Variants in PCLO observed in about 807,000 individuals in gnomAD.
The protein encoded by PCLO is piccolo presynaptic cytomatrix protein.
Under a neutral mutation model 427.5 loss-of-function variants are expected in PCLO, and 82 were observed. The ratio of observed to expected loss-of-function variants is 0.19; its 90% CI spans 0.16 to 0.23. The LOEUF is 0.23. Ranked by LOEUF, PCLO falls within the 10% of genes least tolerant of loss-of-function variation. PCLO has a pLI of 1.00. For synonymous variants in PCLO, 2,357 were observed against 2,155.4 expected (o/e 1.09, Z -2.59); for missense variants, 6,239 against 6,115.9 (o/e 1.02, Z -0.67).
chr7:82,829,437 T>C (rs879833027), intron 16 of PCLO, among the ~76,000 whole-genome samples: 1 of 152,120 alleles, frequency 6.6e-6, no homozygotes, highest in African/African-American at 2.4e-5. Flanking sequence ...AAGCACCGAG[T>C]TGGTGTTTCA....
intron 6 of PCLO, among the ~76,000 whole-genome samples, chr7:82,932,067 T>C (rs890356642): frequency 6.6e-6 from 1 of 152,124 alleles, no homozygotes; most frequent in African/African-American, 2.4e-5. Context: ...AGTATATTTA[T>C]TCACTGTCAT....
chr7:82,948,463 T>C (rs1795254437), intron 6 of PCLO, among the ~76,000 whole-genome samples: 1 of 152,170 alleles, frequency 6.6e-6, no homozygotes, highest in Non-Finnish European at 1.5e-5. Flanking sequence ...TATGGGTCAA[T>C]GGAAATGTAA....
chr7:82,926,085 T>C (rs536423085), intron 6 of PCLO, among the ~76,000 whole-genome samples: 4 of 152,220 alleles, frequency 2.6e-5, no homozygotes, highest in Admixed American at 2.6e-4. Context: ...AAATTCTAAA[T>C]GATACCATTC....
chr7:83,055,435 T>C (rs1789355360), intron 3 of PCLO, among the ~76,000 whole-genome samples: 1 of 152,180 alleles, frequency 6.6e-6, no homozygotes, highest in African/African-American at 2.4e-5. Context: ...ATGAAGACTC[T>C]ATTTTAACCT....
chr7:82,980,576 A>C (rs1796124396), intron 3 of PCLO, among the ~76,000 whole-genome samples: 1 of 152,230 alleles, frequency 6.6e-6, no homozygotes, highest in Non-Finnish European at 1.5e-5. Context: ...GCTGAAAAAT[A>C]GAATTTAAAA....
chr7:82,779,799 G>A (rs908130792), intron 22 of PCLO, among the ~76,000 whole-genome samples: 1 of 143,230 alleles, frequency 7.0e-6, no homozygotes, highest in African/African-American at 2.6e-5. Flanking sequence ...GGAGTGCAAT[G>A]GCTGTAATTT....
Position 82,951,709 on chromosome 7 carries a change from C to T in PCLO, c.9097+147G>A. 4.8e-6 allele frequency: 6 copies of T among 1,252,590 alleles called. No homozygotes were observed. In the South Asian group the frequency reaches 9.6e-5, roughly 20 times the overall value. 77.6% of individuals were successfully genotyped at this position (1,252,590 alleles called of 1,614,324 possible). A position where few individuals can be genotyped will look rare whatever the true frequency, so the allele number is the denominator to read the frequency against. On this transcript the variant is annotated intron_variant, in intron 5 of 24. Transcript: ENST00000333891. ...TTTAAAATGAAGGAACAAAAGCGCA[C>T]TTGTACTCCAAAATATGCTGCTATA...
chr7:83,100,110 A>G (rs1790699712), intron 3 of PCLO, among the ~76,000 whole-genome samples: 1 of 152,202 alleles, frequency 6.6e-6, no homozygotes, highest in South Asian at 2.1e-4. Context: ...CTGTGTCAAC[A>G]ATGTTGCTCA....
intron 19 of PCLO, among the ~76,000 whole-genome samples, chr7:82,823,628 A>C (rs1791854104): frequency 6.6e-6 from 1 of 152,158 alleles, no homozygotes; most frequent in African/African-American, 2.4e-5. Flanking sequence ...GCATATTGCC[A>C]AACCCAATGT....
intron 3 of PCLO, among the ~76,000 whole-genome samples, chr7:83,100,504 G>A (rs1790710641): frequency 6.6e-6 from 1 of 152,136 alleles, no homozygotes; most frequent in Non-Finnish European, 1.5e-5. Context: ...GTCCTTTGCT[G>A]GGATATGGGT....
intron 3 of PCLO, among the ~76,000 whole-genome samples, chr7:83,126,000 G>A (rs1022547930): frequency 2.6e-5 from 4 of 152,148 alleles, no homozygotes; most frequent in Admixed American, 2.6e-4. Context: ...CAGATGAATG[G>A]ATAAAGAAAA....
At position 83,051,049 on chromosome 7, in the gene PCLO, A is replaced by G. The variant is rs577470540; in HGVS notation, c.3300+83201T>C. Among the ~76,000 whole-genome samples, 13 of 152,282 alleles carry G rather than the reference A, an allele frequency of 8.5e-5. 1 individual carries two copies. In the South Asian group the frequency reaches 2.5e-3, roughly 29 times the overall value. On this transcript the variant is annotated intron_variant, in intron 3 of 24. Transcript: ENST00000333891. ...ACAAAACTCTCAGCAAATTAGGAAT[A>G]GAGGGGAACTTTCTCAACTTGATAA...
At position 82,805,814 on chromosome 7, in the gene PCLO, T is replaced by C; in HGVS notation, c.14807A>G (p.His4936Arg). The C allele has an allele frequency of 6.2e-7, 1 of 1,603,572 alleles. No individual in the cohort carries two copies. Among genetic ancestry groups the C allele is most frequent in the Non-Finnish European group, 8.5e-7 (1 of 1,174,898 alleles). ...LRIQPTKPPN[H>R]RPAESSVSTG... ...GGACACAGAGCTTTCTGCAGGCCGGTGATTGGGAGGCTTTGCTGCATGGTG... is the reference window on the plus strand; with the variant it reads ...GGACACAGAGCTTTCTGCAGGCCGGCGATTGGGAGGCTTTGCTGCATGGTG... The change falls in exon 21 of 25, where the codon CAC becomes CGC. Residue 4936 changes from histidine to arginine, a missense_variant. By Grantham distance (29) the His-to-Arg change is conservative (BLOSUM62 0). Transcript: ENST00000333891.
intron 16 of PCLO, among the ~76,000 whole-genome samples, chr7:82,835,049 A>G (rs367625161): frequency 2.0e-5 from 3 of 151,714 alleles, no homozygotes. Flanking sequence ...GGTTCACGCT[A>G]TTTTCCTGCC....
rs1476787476 is a variant in PCLO, at chr7:82,955,929, G to A, written c.5024C>T (p.Thr1675Ile). 1 of 1,613,694 alleles carries A rather than the reference G, an allele frequency of 6.2e-7. No individual in the cohort carries two copies. The highest frequency in any genetic ancestry group is 8.5e-7 in the Non-Finnish European group (1 of 1,179,854). Residue 1675 changes from threonine (T) to isoleucine (I), a missense_variant, in exon 5 of 25, where the codon ACA becomes ATA. Thr to Ile is a moderately conservative substitution (Grantham distance 89). This residue lies in a region of PCLO where 4,677 missense variants were observed against 4,468.4 expected (regional missense o/e 1.05). Coordinates refer to ENST00000333891, the MANE Select transcript of PCLO (RefSeq NM_033026.6). The part of the protein sequence containing the change: ...RRFKTIELNS[T>I]IADKYSAESS... Reference sequence around the variant, plus strand: ...CTCTGCAGAATATTTATCTGCTATTGTACTGTTGAGCTCAATTGTTTTAAA... The same window carrying A: ...CTCTGCAGAATATTTATCTGCTATTATACTGTTGAGCTCAATTGTTTTAAA...
intron 3 of PCLO, among the ~76,000 whole-genome samples, chr7:83,118,738 G>A (rs1382947365): frequency 6.6e-6 from 1 of 152,112 alleles, no homozygotes; most frequent in East Asian, 1.9e-4. Context: ...GGACTAAAGT[G>A]CTCTAGGGTG....
intron 13 of PCLO, 134 bp downstream of exon 13, chr7:82,845,137 T>G: frequency 1.5e-6 from 1 of 664,090 alleles, no homozygotes; most frequent in Non-Finnish European, 2.6e-6. Context: ...AAAATGTTTC[T>G]TGTTTTGATA....
intron 10 of PCLO, among the ~76,000 whole-genome samples, chr7:82,853,193 C>A (rs1216342938): frequency 1.3e-5 from 2 of 151,988 alleles, no homozygotes; most frequent in Admixed American, 6.6e-5. Context: ...ATTATTATTG[C>A]TATTATTTTT....
intron 22 of PCLO, among the ~76,000 whole-genome samples, chr7:82,779,829 T>C (rs891334356): frequency 1.3e-5 from 2 of 151,372 alleles, no homozygotes; most frequent in African/African-American, 2.4e-5. Context: ...GTTTTCATCA[T>C]TTTTGTCTCA....
Sources: gnomAD v4.1 joint callset for allele counts (sites outside exome capture counted in the v4.1 genomes callset) on GRCh38, gnomAD v4.1.1 for gene constraint, gnomAD v4.1.1 regional missense constraint, MANE v1.5 for transcripts, NCBI Gene and HGNC (gene_info 2026-07-23, HGNC 2026-07-21) for gene names.